The following VRK2 variants were observed in gnomAD, a reference collection of about 807,000 sequenced individuals.
VRK2 encodes the protein VRK serine/threonine kinase 2.
VRK2 carries 60 observed loss-of-function variants against 57.6 expected under a neutral mutation model. The ratio of observed to expected loss-of-function variants is 1.04; its 90% CI spans 0.85 to 1.29. The LOEUF is 1.29. Ranked by LOEUF, VRK2 falls within the 50% of genes most tolerant of loss-of-function variation. The pLI is 0.00. For synonymous variants in VRK2, 231 were observed against 199.2 expected, an observed-to-expected ratio of 1.16 and a Z score of -1.35; for missense variants, 705 against 588.1, an observed-to-expected ratio of 1.20 and a Z score of -2.06.
chr2:57,917,020 T>G (rs1670179075), intron 1 of VRK2, among the ~76,000 whole-genome samples: 1 of 123,372 alleles, frequency 8.1e-6, no homozygotes, highest in Non-Finnish European at 1.7e-5. Flanking sequence ...AATTTTCAAA[T>G]GTACAATCTC....
intron 2 of VRK2, chr2:58,026,685 T>C (rs946848973): frequency 2.6e-5 from 4 of 152,162 alleles, no homozygotes; most frequent in African/African-American, 7.2e-5. Context: ...GCTGAAGGAA[T>C]ATGAATCTAT....
chr2:58,052,297 G>A (rs1267320374), intron 2 of VRK2, among the ~76,000 whole-genome samples: 2 of 152,078 alleles, frequency 1.3e-5, no homozygotes, highest in Admixed American at 1.3e-4. Flanking sequence ...TATTTCCATA[G>A]ACTTTCCCAT....
chr2:58,001,201 A>T (rs1039080161), intron 1 of VRK2, among the ~76,000 whole-genome samples: 1 of 152,210 alleles, frequency 6.6e-6, no homozygotes, highest in Admixed American at 6.5e-5. Flanking sequence ...TTTTTCATAC[A>T]TTTATGCCTT....
intron 9 of VRK2, among the ~76,000 whole-genome samples, chr2:58,132,696 A>AG (rs1679398950): frequency 6.6e-6 from 1 of 152,214 alleles, no homozygotes; most frequent in Non-Finnish European, 1.5e-5. Context: ...AAATCACAAC[A>AG]GAAGAGTACA....
chr2:58,100,124 G>T (rs966669787), intron 7 of VRK2, among the ~76,000 whole-genome samples: 1 of 151,948 alleles, frequency 6.6e-6, no homozygotes, highest in African/African-American at 2.4e-5. Context: ...TATTCATAGG[G>T]CAGGGTCATA....
chr2:58,019,049 A>G (rs2103666961), intron 1 of VRK2, among the ~76,000 whole-genome samples: 1 of 152,324 alleles, frequency 6.6e-6, no homozygotes, highest in East Asian at 1.9e-4. Context: ...GCATTTTTAA[A>G]TGCTTTTCTT....
intron 10 of VRK2, among the ~76,000 whole-genome samples, chr2:58,136,011 A>G (rs920127694): frequency 1.3e-5 from 2 of 152,172 alleles, no homozygotes; most frequent in Non-Finnish European, 2.9e-5. Context: ...TGACTTCTGA[A>G]AGTAGATATG....
rs57943937 is a variant in VRK2, at chr2:57,926,998, T to TTGTGTGTGTGTGTGTGTGTGTG, written c.-439+19171_-439+19192dup. 6.5e-3 allele frequency among the ~76,000 whole-genome samples: 922 copies of TTGTGTGTGTGTGTGTGTGTGTG among 142,668 alleles called. 10 individuals are homozygous for TTGTGTGTGTGTGTGTGTGTGTG. The highest frequency in any genetic ancestry group is 0.022 in the African/African-American group (831 of 38,342). 93.6% of individuals were successfully genotyped at this position (142,668 alleles called of 152,430 possible). On this transcript the variant is annotated intron_variant, in intron 1 of 15. Coordinates refer to the VRK2 transcript ENST00000417641. ...TTCTCTGGTAATATGTTTTAATTTC[T>TTGTGTGTGTGTGTGTGTGTGTG]TGTGTGTGTGTGTGTGTGTGTGTGT...
At chr2:58,054,300 T>TTA (rs1676188561) in intron 2 of VRK2, among the ~76,000 whole-genome samples, 1 of 152,068 alleles carries the variant, frequency 6.6e-6, no homozygotes, top group Non-Finnish European at 1.5e-5. Context: ...AAGGGAAGAT[T>TTA]TATAAAATAC....
intron 1 of VRK2, among the ~76,000 whole-genome samples, chr2:57,947,209 G>A (rs1319507195): frequency 6.6e-6 from 1 of 152,126 alleles, no homozygotes; most frequent in Non-Finnish European, 1.5e-5. Context: ...CAGAGTTAAA[G>A]AGGTCATGAT....
At chr2:57,936,038 C>T (rs10204049) in intron 1 of VRK2, among the ~76,000 whole-genome samples, 45,877 of 152,034 alleles carry the variant, frequency 0.3, 8,031 homozygotes, top group African/African-American at 0.5. Context: ...TGGTAGGAAG[C>T]TCCTATTCCA....
At chr2:57,951,662 C>A (rs966456314) in intron 1 of VRK2, among the ~76,000 whole-genome samples, 4 of 152,198 alleles carry the variant, frequency 2.6e-5, no homozygotes, top group African/African-American at 9.6e-5. Context: ...TCATCATCAG[C>A]AGTCATGTAC....
intron 7 of VRK2, among the ~76,000 whole-genome samples, chr2:58,096,150 C>A (rs1055752666): frequency 6.6e-6 from 1 of 151,944 alleles, no homozygotes; most frequent in African/African-American, 2.4e-5. Flanking sequence ...TGTGTTATGG[C>A]ATAATATTAG....
intron 1 of VRK2, among the ~76,000 whole-genome samples, chr2:58,012,258 T>C (rs1673437275): frequency 1.3e-5 from 2 of 152,214 alleles, no homozygotes; most frequent in Non-Finnish European, 1.5e-5. Context: ...GCTATGTCTA[T>C]GGAGTAGCCA....
intron 1 of VRK2, among the ~76,000 whole-genome samples, chr2:57,978,002 T>C (rs1429600770): frequency 1.3e-5 from 2 of 151,366 alleles, no homozygotes; most frequent in East Asian, 3.9e-4. Context: ...TATTTCTGCT[T>C]ATGTGATGAA....
At chr2:58,006,433 T>C (rs1459248776) in intron 1 of VRK2, among the ~76,000 whole-genome samples, 5 of 152,130 alleles carry the variant, frequency 3.3e-5, no homozygotes, top group Non-Finnish European at 5.9e-5. Flanking sequence ...TTAGAGTGGA[T>C]TTACCATTTA....
intron 3 of VRK2, among the ~76,000 whole-genome samples, chr2:58,036,249 G>C (rs1313967370): frequency 1.3e-5 from 2 of 151,800 alleles, no homozygotes; most frequent in Non-Finnish European, 2.9e-5. Context: ...AGGAAAGGGA[G>C]TATTTTTGAT....
At chr2:58,144,986 A>C (rs2104641115) in intron 11 of VRK2, among the ~76,000 whole-genome samples, 1 of 152,072 alleles carries the variant, frequency 6.6e-6, no homozygotes, top group African/African-American at 2.4e-5. Flanking sequence ...CAGCCAATGT[A>C]ATTCATTCTC....
At position 58,123,144 on chromosome 2, in the gene VRK2, A is replaced by G. The variant is rs147166402; in HGVS notation, c.587A>G (p.Asn196Ser). ...GGACTTTCCTACAGATATTGTCCCA[A>G]TGGGAACCACAAACAGTATCAGGAA... The part of the protein sequence containing the change: ...DYGLSYRYCP[N>S]GNHKQYQENP... Residue 196 changes from asparagine to serine, a missense_variant, in exon 8 of 13, where the codon AAT (asparagine) becomes AGT (serine). Coordinates refer to ENST00000340157, the MANE Select transcript of VRK2 (RefSeq NM_006296.7). The G allele has an allele frequency of 1.3e-4, 213 of 1,598,798 alleles. 2 individuals are homozygous for G. The African/African-American group carries it at 2.3e-3, about 17-fold the overall frequency.
Sources: gnomAD v4.1 joint callset for allele counts (sites outside exome capture counted in the v4.1 genomes callset) on GRCh38, gnomAD v4.1.1 for gene constraint, MANE v1.5 for transcripts, NCBI Gene and HGNC (gene_info 2026-07-23, HGNC 2026-07-21) for gene names.